RELL1: variants seen among roughly 807,000 people sequenced by gnomAD.
The protein encoded by RELL1 is RELT like 1, also known as RELT-like protein 1.
A neutral mutation model predicts 23.0 loss-of-function variants in RELL1; 10 were observed. The ratio of observed to expected loss-of-function variants is 0.43; its 90% confidence interval spans 0.27 to 0.74. RELL1 has a LOEUF of 0.74. RELL1 is among the 30% of genes least tolerant of loss of function. The pLI is 0.19. For synonymous variants in RELL1, 146 were observed against 146.8 expected, an observed-to-expected ratio of 0.99 and a Z score of 0.04; for missense variants, 315 against 364.4, an observed-to-expected ratio of 0.86 and a Z score of 1.10.
chr4:37,631,538 G>C lies in RELL1; in HGVS notation c.681-15C>G. ...TAACTCTAAATCTGAGGGGGGAATGGGGAGAGGTGATGGGGTTTGCTTTTC... is the reference window on the plus strand; with the variant it reads ...TAACTCTAAATCTGAGGGGGGAATGCGGAGAGGTGATGGGGTTTGCTTTTC... On this transcript the variant is annotated splice_polypyrimidine_tract_variant and intron_variant, in intron 5 of 6. Coordinates refer to ENST00000454158, the MANE Select transcript of RELL1 (RefSeq NM_001085400.2). The C allele has an allele frequency of 6.2e-7, 1 of 1,613,350 alleles. No individual in the cohort carries two copies. The highest frequency in any genetic ancestry group is 8.5e-7 in the Non-Finnish European group (1 of 1,179,686).
chr4:37,676,391 T>C (rs183829642), intron 1 of RELL1, among the ~76,000 whole-genome samples: 1 of 152,294 alleles, frequency 6.6e-6, no homozygotes, highest in East Asian at 1.9e-4. Context: ...TAAAGTACTA[T>C]AAAATCAGGA....
intron 6 of RELL1, among the ~76,000 whole-genome samples, chr4:37,629,189 C>A (rs1394566765): frequency 1.3e-5 from 2 of 152,206 alleles, no homozygotes; most frequent in Non-Finnish European, 2.9e-5. Flanking sequence ...TCATACTCAG[C>A]CTGTCCTTAT....
chr4:37,608,707 TG>T (rs1719295596), downstream of RELL1, among the ~76,000 whole-genome samples: 1 of 151,492 alleles, frequency 6.6e-6, no homozygotes, highest in South Asian at 2.1e-4. Context: ...GTGCAGTGAC[TG>T]CAATCTCTAT....
intron 2 of RELL1, among the ~76,000 whole-genome samples, chr4:37,648,552 T>A: frequency 6.6e-6 from 1 of 152,198 alleles, no homozygotes; most frequent in East Asian, 1.9e-4. Flanking sequence ...CTAAAGATGA[T>A]GGGAAAGAAA....
At chr4:37,637,479 C>T (rs1440553737) in intron 4 of RELL1, among the ~76,000 whole-genome samples, 2 of 152,222 alleles carry the variant, frequency 1.3e-5, no homozygotes, top group African/African-American at 4.8e-5. Context: ...GGCCCTTCTT[C>T]CTACAGCCAG....
intron 6 of RELL1, chr4:37,622,880 C>T (rs865827566): frequency 6.7e-6 from 3 of 449,342 alleles, no homozygotes; most frequent in East Asian, 7.0e-5. Context: ...TCTCGGCTCA[C>T]GGCAACCTCT....
At chr4:37,598,094 T>TAA (rs1553870702) in intron 6 of RELL1, among the ~76,000 whole-genome samples, 1 of 140,262 alleles carries the variant, frequency 7.1e-6, no homozygotes, top group African/African-American at 2.7e-5. Flanking sequence ...TATATATATA[T>TAA]AACTCCTCCT....
intron 6 of RELL1, among the ~76,000 whole-genome samples, chr4:37,598,074 T>C (rs1416572714): frequency 1.8e-5 from 1 of 54,164 alleles, no homozygotes; most frequent in Non-Finnish European, 3.9e-5. Context: ...TATATATATA[T>C]CATAATATAT....
chr4:37,605,002 C>T (rs769381594), intron 6 of RELL1, among the ~76,000 whole-genome samples: 3 of 151,654 alleles, frequency 2.0e-5, no homozygotes, highest in African/African-American at 4.9e-5. Flanking sequence ...GTGTTTCTCA[C>T]AGTAATATAT....
At chr4:37,600,885 G>A (rs766870440) in intron 6 of RELL1, among the ~76,000 whole-genome samples, 3 of 151,830 alleles carry the variant, frequency 2.0e-5, no homozygotes, top group African/African-American at 4.8e-5. Flanking sequence ...TGGGTATAAT[G>A]TTATGATTTC....
At chr4:37,665,406 T>C in intron 1 of RELL1, 1 of 427,352 alleles carries the variant, frequency 2.3e-6, no homozygotes, top group Admixed American at 2.6e-5. Context: ...AGGCTATAAA[T>C]AGCAGCACAT....
At chr4:37,598,078 A>AATATATATATATATATCATAATATAT (rs1718919068) in intron 6 of RELL1, among the ~76,000 whole-genome samples, 1 of 126,752 alleles carries the variant, frequency 7.9e-6, no homozygotes, top group Non-Finnish European at 1.6e-5. Context: ...TATATATCAT[A>AATATATATATATATATCATAATATAT]ATATATATAT....
Position 37,686,315 on chromosome 4 carries a change from A to C in RELL1, c.-28T>G. On this transcript the variant is annotated 5_prime_UTR_variant, in exon 1 of 7. Transcript: ENST00000454158. ...CCGCGTCGCTTCGCCCTCCTCCCCC[A>C]GGGCGCCGCGTCCCGCGCTCGGGAA... 6.8e-7 allele frequency: 1 copy of C among 1,470,290 alleles called. No homozygotes were observed. Among genetic ancestry groups the C allele is most frequent in the Non-Finnish European group, 9.0e-7 (1 of 1,114,048 alleles). The allele number at this position is 1,470,290 out of a possible 1,614,324, so 91.1% of individuals were successfully genotyped here.
chr4:37,604,944 TACAC>T (rs1719150229), intron 6 of RELL1, among the ~76,000 whole-genome samples: 1 of 30,784 alleles, frequency 3.2e-5, no homozygotes, highest in South Asian at 9.9e-4. Flanking sequence ...GACACACACA[TACAC>T]ACACAGAGAC....
At chr4:37,586,336 G>A (rs1266563400), downstream of RELL1, among the ~76,000 whole-genome samples, 1 of 152,132 alleles carries the variant, frequency 6.6e-6, no homozygotes, top group Non-Finnish European at 1.5e-5. Flanking sequence ...TTAATCCATA[G>A]CCATTAAATC....
At chr4:37,618,295 C>G (rs925418318) in intron 6 of RELL1, among the ~76,000 whole-genome samples, 1 of 151,982 alleles carries the variant, frequency 6.6e-6, no homozygotes, top group Non-Finnish European at 1.5e-5. Flanking sequence ...GCTGGAACCT[C>G]GAACTCCTGG....
rs191608672 is a variant in RELL1, at chr4:37,594,767, G to C, written c.*4-3550C>G. ...CATTTTCCTCCCTCTGCCCCGCTCT[G>C]TCTCTCTGATTCTCTTCTCTTCCTA... On this transcript the variant is annotated intron_variant, in intron 6 of 6. Coordinates refer to the RELL1 transcript ENST00000314117. Among the ~76,000 whole-genome samples, 30 of 152,226 alleles carry C rather than the reference G, an allele frequency of 2.0e-4. No homozygotes were observed. The East Asian group carries it at 5.8e-3, about 29-fold the overall frequency.
At chr4:37,660,174 C>G (rs139916844) in intron 1 of RELL1, among the ~76,000 whole-genome samples, 156 of 152,194 alleles carry the variant, frequency 1.0e-3, no homozygotes, top group African/African-American at 3.5e-3. Context: ...GGCTAAATGT[C>G]TAAATGTTCA....
rs147355243 is a variant in RELL1, at chr4:37,680,833, G to A, written c.88+5367C>T. Among the ~76,000 whole-genome samples the A allele has an allele frequency of 5.3e-5, 8 of 151,808 alleles. No individual in the cohort carries two copies. The East Asian group carries it at 1.5e-3, about 29-fold the overall frequency. On this transcript the variant is annotated intron_variant, in intron 1 of 6. Transcript: ENST00000454158. ...TGTAGTCCCAGCTACTTGGGAGGCT[G>A]AGGCGGGAGAATGGCATGAACCCTG...
Sources: allele counts gnomAD v4.1 joint callset (sites outside exome capture counted in the v4.1 genomes callset), GRCh38; gene constraint gnomAD v4.1.1; transcripts MANE v1.5; gene names NCBI Gene and HGNC (gene_info 2026-07-23, HGNC 2026-07-21).